The following IL1RAPL1 variants were observed in gnomAD, a reference collection of about 807,000 sequenced individuals.
IL1RAPL1 encodes the protein interleukin 1 receptor accessory protein like 1.
IL1RAPL1 carries 3 observed loss-of-function variants against 48.4 expected under a neutral mutation model. The observed-to-expected ratio is 0.06, with a 90% CI of 0.03 to 0.16. The LOEUF (loss-of-function observed/expected upper bound fraction) is 0.16, where lower values mean the gene tolerates loss of function less well. Ranked by LOEUF, IL1RAPL1 falls within the 10% of genes least tolerant of loss-of-function variation. The pLI is 1.00. For synonymous variants in IL1RAPL1, 185 were observed against 187.7 expected (o/e 0.99, Z 0.12); for missense variants, 349 against 530.6 (o/e 0.66, Z 3.36).
chrX:28,664,578 C>T (rs197022), intron 1 of IL1RAPL1, among the ~76,000 whole-genome samples: 44,155 of 110,318 alleles, frequency 0.4, 6,572 homozygotes, highest in South Asian at 0.55. Context: ...CAATCATTCC[C>T]GAGGCTTAAT....
chrX:29,381,833 AATATATATATATAT>A (rs35091339), intron 3 of IL1RAPL1, among the ~76,000 whole-genome samples: 9 of 25,391 alleles, frequency 3.5e-4, no homozygotes, highest in Admixed American at 1.2e-3. Context: ...AAAAAAAAAA[AATATATATATATAT>A]ATATATATAT....
chrX:29,730,786 C>T (rs1927896706), intron 6 of IL1RAPL1, among the ~76,000 whole-genome samples: 2 of 111,686 alleles, frequency 1.8e-5, no homozygotes, highest in Non-Finnish European at 3.8e-5. Flanking sequence ...CTAATTGCCT[C>T]ATTTTTCTAT....
intron 1 of IL1RAPL1, among the ~76,000 whole-genome samples, chrX:28,604,943 C>T (rs1476981413): frequency 1.8e-5 from 2 of 110,854 alleles, no homozygotes; most frequent in African/African-American, 6.6e-5. Flanking sequence ...AGTCCTTGTC[C>T]TTGTTTATTT....
At chrX:28,738,983 C>T (rs977078079) in intron 1 of IL1RAPL1, among the ~76,000 whole-genome samples, 1 of 110,874 alleles carries the variant, frequency 9.0e-6, no homozygotes, top group Non-Finnish European at 1.9e-5. Flanking sequence ...ATCTTGTAGT[C>T]TCAATTTAAT....
chrX:29,417,045 A>G (rs1490856558), intron 5 of IL1RAPL1, among the ~76,000 whole-genome samples: 2 of 111,954 alleles, frequency 1.8e-5, no homozygotes, highest in Non-Finnish European at 3.8e-5. Context: ...AAAATAATGA[A>G]TGCTATTTTT....
chrX:29,241,251 C>A (rs1288851438), intron 2 of IL1RAPL1, among the ~76,000 whole-genome samples: 1 of 111,826 alleles, frequency 8.9e-6, no homozygotes. Context: ...CCCTTTCGGG[C>A]TGAACTGAGT....
At chrX:29,027,396 A>G (rs1364603271) in intron 2 of IL1RAPL1, among the ~76,000 whole-genome samples, 1 of 112,035 alleles carries the variant, frequency 8.9e-6, no homozygotes, top group African/African-American at 3.2e-5. Context: ...GACATGAATA[A>G]TATTCCACTT....
intron 2 of IL1RAPL1, among the ~76,000 whole-genome samples, chrX:29,012,172 A>G (rs1602010896): frequency 8.9e-6 from 1 of 112,724 alleles, no homozygotes; most frequent in Admixed American, 9.4e-5. Context: ...GAACCAAAAT[A>G]AACTCATACT....
At chrX:29,550,074 T>C (rs1223424625) in intron 5 of IL1RAPL1, among the ~76,000 whole-genome samples, 1 of 112,398 alleles carries the variant, frequency 8.9e-6, no homozygotes, top group East Asian at 2.8e-4. Flanking sequence ...CATGAACAAC[T>C]AAATGTACAG....
intron 3 of IL1RAPL1, among the ~76,000 whole-genome samples, chrX:29,365,138 G>A (rs1198188146): frequency 9.0e-6 from 1 of 111,694 alleles, no homozygotes; most frequent in African/African-American, 3.3e-5. Flanking sequence ...ATGTAGTAAA[G>A]GATGCTAGGA....
intron 6 of IL1RAPL1, among the ~76,000 whole-genome samples, chrX:29,769,798 G>A (rs1929013617): frequency 1.9e-5 from 2 of 107,994 alleles, no homozygotes; most frequent in Non-Finnish European, 1.9e-5. Context: ...TGTATTTTTA[G>A]TAGAGTCGGC....
At chrX:28,761,770 A>G (rs1936176356) in intron 1 of IL1RAPL1, among the ~76,000 whole-genome samples, 1 of 112,040 alleles carries the variant, frequency 8.9e-6, no homozygotes, top group Non-Finnish European at 1.9e-5. Flanking sequence ...GTAAACTTCG[A>G]TATATTCAGA....
chrX:28,812,189 A>T (rs1410156094), intron 2 of IL1RAPL1, among the ~76,000 whole-genome samples: 1 of 111,074 alleles, frequency 9.0e-6, no homozygotes, highest in African/African-American at 3.3e-5. Context: ...TGCCTTTATT[A>T]GTTTTGTCCA....
intron 2 of IL1RAPL1, among the ~76,000 whole-genome samples, chrX:28,968,424 G>T (rs191924497): frequency 7.1e-4 from 79 of 111,228 alleles, no homozygotes; most frequent in African/African-American, 2.3e-3. Flanking sequence ...TTCTGGTCCC[G>T]CCACTTCCAG....
intron 2 of IL1RAPL1, among the ~76,000 whole-genome samples, chrX:29,111,964 CTG>C (rs1314638516): frequency 1.2e-5 from 1 of 83,421 alleles, no homozygotes; most frequent in Non-Finnish European, 2.2e-5. Flanking sequence ...GCGTCTCACT[CTG>C]TCACCCAGGC....
At position 28,728,218 on chromosome X, in the gene IL1RAPL1, A is replaced by C. The variant is rs998837663; in HGVS notation, c.-24-61102A>C. Among the ~76,000 whole-genome samples the C allele has an allele frequency of 3.6e-5, 4 of 112,211 alleles. No individual in the cohort carries two copies. In the South Asian group the frequency reaches 1.1e-3, roughly 31 times the overall value. ...TATTGTTGAATACTATACTATGTAT[A>C]AATGTCCACAAATCAAATTTTAACT... On this transcript the variant is annotated intron_variant, in intron 1 of 10. Coordinates refer to ENST00000378993, the MANE Select transcript of IL1RAPL1 (RefSeq NM_014271.4).
intron 2 of IL1RAPL1, among the ~76,000 whole-genome samples, chrX:28,863,658 C>A (rs911529859): frequency 4.5e-5 from 5 of 111,123 alleles, no homozygotes; most frequent in Non-Finnish European, 9.4e-5. Context: ...TCTTTAAAAC[C>A]TGGATCAGTG....
intron 2 of IL1RAPL1, among the ~76,000 whole-genome samples, chrX:28,902,169 ATCCTTTTTTTTTTTCT>A (rs1379794144): frequency 1.2e-5 from 1 of 81,716 alleles, no homozygotes; most frequent in Non-Finnish European, 2.4e-5. Context: ...CACCTTCCTT[ATCCTTTTTTTTTTTCT>A]TTAATTACTA....
chrX:29,912,380 A>C (rs967744610), intron 6 of IL1RAPL1, among the ~76,000 whole-genome samples: 2 of 112,083 alleles, frequency 1.8e-5, no homozygotes, highest in African/African-American at 6.5e-5. Context: ...TTATGTATTG[A>C]GTTCTTAATA....
Sources: gnomAD v4.1 joint callset for allele counts (sites outside exome capture counted in the v4.1 genomes callset) on GRCh38, gnomAD v4.1.1 for gene constraint, MANE v1.5 for transcripts, NCBI Gene and HGNC (gene_info 2026-07-23, HGNC 2026-07-21) for gene names.